The following ATP13A1 variants were observed in gnomAD, a reference collection of about 807,000 sequenced individuals.
ATP13A1 encodes ATPase 13A1.
A neutral mutation model predicts 134.8 loss-of-function variants in ATP13A1; 55 were observed. The observed-to-expected ratio is 0.41, with a 90% CI of 0.33 to 0.51. ATP13A1 has a LOEUF of 0.51. Ranked by LOEUF, ATP13A1 falls within the 20% of genes least tolerant of loss-of-function variation. ATP13A1 has a pLI of 0.29. For missense variants in ATP13A1, 1,389 were observed against 1,652.8 expected (o/e 0.84, Z 2.77); for synonymous variants, 775 against 725.1 (o/e 1.07, Z -1.10).
At chr19:19,646,585 AG>A in intron 22 of ATP13A1, 1 of 572,870 alleles carries the variant, frequency 1.7e-6, no homozygotes, top group South Asian at 2.0e-5. Flanking sequence ...TGGCAGCCAC[AG>A]GGGCCTGAGA....
intron 3 of ATP13A1, among the ~76,000 whole-genome samples, chr19:19,658,914 G>C (rs942560679): frequency 1.7e-5 from 2 of 114,340 alleles, no homozygotes; most frequent in African/African-American, 6.7e-5. Flanking sequence ...ACAAGCCTGG[G>C]CAACACGGCG....
In ATP13A1 at chr19:19,645,967, G is replaced by A. The variant is rs897817517; in HGVS notation, c.3267C>T (p.Asp1089=). The A allele has an allele frequency of 6.2e-7, 1 of 1,612,636 alleles. No homozygotes were observed. ...RSPEKQEQFV[D]LYKEFEPSLV... ...GGCTTGGCTCAAACTCCTTGTACAAGTCCACGAACTGCTCCTGCCTGCAAG... is the reference window on the plus strand; with the variant it reads ...GGCTTGGCTCAAACTCCTTGTACAAATCCACGAACTGCTCCTGCCTGCAAG... The change falls in exon 24 of 26, where the codon GAC becomes GAT. Residue 1089 remains aspartate (D), a synonymous_variant. Coordinates refer to ENST00000357324, the MANE Select transcript of ATP13A1 (RefSeq NM_020410.3). The surrounding 1 kb of genome is among the most constrained non-coding windows in gnomAD (Gnocchi z 4.1).
intron 23 of ATP13A1, 100 bp downstream of exon 23, chr19:19,646,105 C>T: frequency 6.3e-7 from 1 of 1,594,330 alleles, no homozygotes; most frequent in African/African-American, 1.3e-5. Flanking sequence ...CCTCCCTGGA[C>T]ACCCTGGACA....
At position 19,655,279 on chromosome 19, in the gene ATP13A1, A is replaced by G. The variant is rs2062050063; in HGVS notation, c.1534+37T>C. 6.2e-7 allele frequency: 1 copy of G among 1,613,924 alleles called. No individual in the cohort carries two copies. Among genetic ancestry groups the G allele is most frequent in the Non-Finnish European group, 8.5e-7 (1 of 1,179,866 alleles). The stretch of plus-strand genomic sequence containing the variant: ...GAGGTCAGGGGTCCTGCTTGGCCCC[A>G]GCCCACTCGGCACCCCATCCCATTT... On this transcript the variant is annotated intron_variant, in intron 11 of 25. Coordinates refer to ENST00000357324, the MANE Select transcript of ATP13A1 (RefSeq NM_020410.3). This position sits in a 1 kb window ranked among gnomAD's most constrained non-coding sequence, Gnocchi z 5.7.
At position 19,654,095 on chromosome 19, in the gene ATP13A1, G is replaced by A. The variant is rs1177037595; in HGVS notation, c.1863C>T (p.His621=). Residue 621 remains histidine (H), a synonymous_variant, in exon 14 of 26, where the codon CAC becomes CAT. Transcript: ENST00000357324. ...RSIKTQGLKI[H]QRFHFASALK... ...GGGCACTGGCAAAATGAAAGCGCTG[G>A]TGAATTTTCAGCCCCTGAGTTTTAA... is the stretch of plus-strand genomic sequence containing the variant. The A allele has an allele frequency of 6.3e-7, 1 of 1,593,106 alleles. No homozygotes were observed. The highest frequency in any genetic ancestry group is 8.5e-7 in the Non-Finnish European group (1 of 1,169,918).
chr19:19,660,291 C>T (rs113360312), intron 1 of ATP13A1, among the ~76,000 whole-genome samples: 6 of 151,970 alleles, frequency 3.9e-5, no homozygotes, highest in African/African-American at 1.2e-4. Context: ...AGATCAGCCT[C>T]GCCAATGTGG....
chr19:19,660,832 C>A (rs2062090005), intron 1 of ATP13A1, among the ~76,000 whole-genome samples: 2 of 151,750 alleles, frequency 1.3e-5, no homozygotes, highest in Non-Finnish European at 2.9e-5. Context: ...GTAATCCCAG[C>A]ACTTTGGGAG....
Position 19,647,488 on chromosome 19 carries a change from C to T in ATP13A1, c.2834G>A (p.Ser945Asn), listed in dbSNP as rs913530329. The T allele has an allele frequency of 2.5e-6, 4 of 1,613,322 alleles. No individual in the cohort carries two copies. Among genetic ancestry groups the T allele is most frequent in the Non-Finnish European group, 3.4e-6 (4 of 1,179,628 alleles). Residue 945 changes from serine (S) to asparagine (N), a missense_variant, in exon 21 of 26, where the codon AGT (serine) becomes AAT (asparagine). Coordinates refer to ENST00000357324, the MANE Select transcript of ATP13A1 (RefSeq NM_020410.3). This position sits in a 1 kb window ranked among gnomAD's most constrained non-coding sequence, Gnocchi z 4.8. ...SQVLRDLEDE[S>N]TPIVKLGDAS... is the part of the protein sequence containing the mutation. Reference sequence around the variant, plus strand: ...ATCCCCCAGTTTCACAATGGGCGTACTCTCGTCCTCGAGGTCTCGCAGCAC... The same window carrying T: ...ATCCCCCAGTTTCACAATGGGCGTATTCTCGTCCTCGAGGTCTCGCAGCAC...
In ATP13A1 at chr19:19,654,418, C is replaced by A; in HGVS notation, c.1813+125G>T. 2.4e-6 allele frequency: 3 copies of A among 1,266,162 alleles called. 1 individual carries two copies. Among genetic ancestry groups the A allele is most frequent in the Middle Eastern group, 5.6e-4 (2 of 3,594 alleles). 78.4% of individuals were successfully genotyped at this position (1,266,162 alleles called of 1,614,324 possible). ...CTAAAGTGAGCCTCTGGCCACCCAC[C>A]TCGGGGAGCATCAGAGCTGTAGGCC... On this transcript the variant is annotated intron_variant, in intron 13 of 25. Transcript: ENST00000357324.
At chr19:19,658,116 T>C (rs1158172531) in intron 3 of ATP13A1, among the ~76,000 whole-genome samples, 1 of 124,010 alleles carries the variant, frequency 8.1e-6, no homozygotes, top group Non-Finnish European at 1.6e-5. Context: ...ACCACTGCAC[T>C]CCAGCCTGGG....
chr19:19,662,259 C>G, intron 1 of ATP13A1: 1 of 1,468,956 alleles, frequency 6.8e-7, no homozygotes, highest in Non-Finnish European at 9.0e-7. Context: ...AAAGCTACCA[C>G]GTTGAGCTCC....
chr19:19,651,007 G>A (rs994736308), intron 17 of ATP13A1: 1 of 152,282 alleles, frequency 6.6e-6, no homozygotes, highest in African/African-American at 2.4e-5. Flanking sequence ...GGAGAGGTTG[G>A]AGCCTTGAGC....
Position 19,655,664 on chromosome 19 carries a change from T to A in ATP13A1, c.1270-10A>T. The stretch of plus-strand genomic sequence containing the variant: ...TGCGCAGCAGCTTGCCCTGGAGGAA[T>A]GGAGGAACAGCCTTTCTGCTGTCTG... On this transcript the variant is annotated splice_polypyrimidine_tract_variant and intron_variant, in intron 9 of 25. Coordinates refer to ENST00000357324, the MANE Select transcript of ATP13A1 (RefSeq NM_020410.3). This position sits in a 1 kb window ranked among gnomAD's most constrained non-coding sequence, Gnocchi z 5.7. The A allele has an allele frequency of 6.2e-7, 1 of 1,611,386 alleles. No individual in the cohort carries two copies. The highest frequency in any genetic ancestry group is 8.5e-7 in the Non-Finnish European group (1 of 1,178,836).
In ATP13A1 at chr19:19,645,943, G is replaced by C. The variant is rs1480918563; in HGVS notation, c.3291C>G (p.Ser1097Arg). 1.9e-6 allele frequency: 3 copies of C among 1,613,356 alleles called. No individual in the cohort carries two copies. Among genetic ancestry groups the C allele is most frequent in the Non-Finnish European group, 2.5e-6 (3 of 1,179,884 alleles). ...TGATGTAGACGGTGCTGTTGACCAGGCTTGGCTCAAACTCCTTGTACAAGT... is the reference window on the plus strand; with the variant it reads ...TGATGTAGACGGTGCTGTTGACCAGCCTTGGCTCAAACTCCTTGTACAAGT... ...FVDLYKEFEP[S>R]LVNSTVYIMA... Residue 1097 changes from serine to arginine, a missense_variant, in exon 24 of 26, where the codon AGC becomes AGG. Physicochemically the swap from Ser to Arg is moderately radical, Grantham distance 110 (BLOSUM62 -1). Transcript: ENST00000357324. This position sits in a 1 kb window ranked among gnomAD's most constrained non-coding sequence, Gnocchi z 4.1.
Position 19,647,763 on chromosome 19 carries a change from G to A in ATP13A1, c.2633-4C>T, listed in dbSNP as rs1282684883. The A allele has an allele frequency of 6.3e-7, 1 of 1,588,322 alleles. No individual in the cohort carries two copies. The highest frequency in any genetic ancestry group is 8.5e-7 in the Non-Finnish European group (1 of 1,172,966). ...GCATTGGCCAAGAGCGCCACACCTG[G>A]GGGGCAGGAGGGTGTCAGACCCGGA... On this transcript the variant is annotated splice_region_variant and splice_polypyrimidine_tract_variant and intron_variant, in intron 19 of 25. Coordinates refer to ENST00000357324, the MANE Select transcript of ATP13A1 (RefSeq NM_020410.3). The surrounding 1 kb of genome is among the most constrained non-coding windows in gnomAD (Gnocchi z 4.8).
Position 19,646,199 on chromosome 19 carries a change from A to G in ATP13A1, c.3248+6T>C. 1 of 1,613,474 alleles carries G rather than the reference A, an allele frequency of 6.2e-7. No individual in the cohort carries two copies. The highest frequency in any genetic ancestry group is 1.1e-5 in the South Asian group (1 of 91,022). Reference sequence around the variant, plus strand: ...GGGACATCACCTCCTCCAAGGCAGCACTTACTTCTCGGGGCTCCGGGCCTG... The same window carrying G: ...GGGACATCACCTCCTCCAAGGCAGCGCTTACTTCTCGGGGCTCCGGGCCTG... On this transcript the variant is annotated splice_donor_region_variant and intron_variant, in intron 23 of 25. Transcript: ENST00000357324.
At chr19:19,663,132 G>C (rs1354767249) in intron 1 of ATP13A1, 139 bp downstream of exon 1, 2 of 1,267,734 alleles carry the variant, frequency 1.6e-6, no homozygotes, top group East Asian at 5.1e-5. Context: ...CTGCGCCAAA[G>C]TGTAGAGGGT....
rs1298029636 is a variant in ATP13A1 at position 19,653,819 on chromosome 19, C to G, written c.2065G>C (p.Gly689Arg). The G allele has an allele frequency of 6.4e-7, 1 of 1,556,720 alleles. No homozygotes were observed. ...SREGARVLAL[G>R]YKELGHLTHQ... ...GTGAGGTGTCCCAGCTCCTTGTACCCCAGCGCCAGGACGCGGGCTCCTTCC... is the reference window on the plus strand; with the variant it reads ...GTGAGGTGTCCCAGCTCCTTGTACCGCAGCGCCAGGACGCGGGCTCCTTCC... Residue 689 changes from glycine (G) to arginine (R), a missense_variant, in exon 15 of 26, where the codon GGG (glycine) becomes CGG (arginine). This residue lies in a region of ATP13A1 where 747 missense variants were observed against 956.1 expected (regional missense o/e 0.78). Transcript: ENST00000357324. The surrounding 1 kb of genome is among the most constrained non-coding windows in gnomAD (Gnocchi z 4.2).
chr19:19,654,220 C>A, intron 13 of ATP13A1, 76 bp from the exon 14 acceptor site: 3 of 1,387,114 alleles, frequency 2.2e-6, no homozygotes, highest in Non-Finnish European at 2.0e-6. Context: ...TCACCCCGGC[C>A]TCCCCCACCT....
Sources: gnomAD v4.1 joint callset for allele counts (sites outside exome capture counted in the v4.1 genomes callset) on GRCh38, gnomAD v4.1.1 for gene constraint, gnomAD v4.1.1 regional missense constraint, Gnocchi (gnomAD v3.1) non-coding constraint, MANE v1.5 for transcripts, NCBI Gene and HGNC (gene_info 2026-07-23, HGNC 2026-07-21) for gene names.